RDX: variants seen among roughly 807,000 people sequenced by gnomAD.
The protein encoded by RDX is radixin, also known as deafness, autosomal recessive 24.
In RDX, 32 loss-of-function variants were observed where a neutral mutation model predicts 83.7. The ratio of observed to expected loss-of-function variants is 0.38; its 90% CI spans 0.29 to 0.51. The LOEUF (loss-of-function observed/expected upper bound fraction) is 0.51. Among genes scored for constraint, RDX ranks in the 20% least tolerant of loss-of-function variants. The pLI, the probability that RDX is intolerant of heterozygous loss-of-function variation, is 0.87. For synonymous variants in RDX, 229 were observed against 222.7 expected (o/e 1.03, Z -0.25); for missense variants, 600 against 689.9 (o/e 0.87, Z 1.46).
chr11:110,281,640 T>TA (rs1176607946), intron 1 of RDX, among the ~76,000 whole-genome samples: 3 of 151,996 alleles, frequency 2.0e-5, no homozygotes, highest in African/African-American at 7.2e-5. Flanking sequence ...CTGCTGGAGG[T>TA]ATAAACCCCT....
At chr11:110,265,691 C>T (rs1860010292) in intron 3 of RDX, among the ~76,000 whole-genome samples, 1 of 152,062 alleles carries the variant, frequency 6.6e-6, no homozygotes, top group South Asian at 2.1e-4. Flanking sequence ...CACCCTTCTA[C>T]AATTTTGCTG....
chr11:110,176,806 C>G (rs565718756), intron 15 of RDX, among the ~76,000 whole-genome samples: 1 of 152,112 alleles, frequency 6.6e-6, no homozygotes, highest in Non-Finnish European at 1.5e-5. Flanking sequence ...CCTAAGGAGC[C>G]GAAGGTGGTG....
chr11:110,196,964 T>A (rs1298557331), intron 15 of RDX, among the ~76,000 whole-genome samples: 1 of 152,176 alleles, frequency 6.6e-6, no homozygotes, highest in Non-Finnish European at 1.5e-5. Context: ...AGGGGTGTGA[T>A]CTTGGCTCAC....
intron 5 of RDX, among the ~76,000 whole-genome samples, chr11:110,258,656 A>C (rs966511686): frequency 7.2e-5 from 11 of 152,176 alleles, no homozygotes; most frequent in African/African-American, 2.7e-4. Context: ...GCTCATTGTT[A>C]ATAGATAAAG....
chr11:110,244,387 A>AAG (rs1327977642), intron 10 of RDX, among the ~76,000 whole-genome samples: 6 of 149,426 alleles, frequency 4.0e-5, no homozygotes, highest in East Asian at 1.9e-4. Flanking sequence ...AAAAAAAAAA[A>AAG]AGAGAGTGGA....
intron 3 of RDX, among the ~76,000 whole-genome samples, chr11:110,267,315 C>T (rs1467101462): frequency 6.6e-6 from 1 of 151,860 alleles, no homozygotes; most frequent in African/African-American, 2.4e-5. Flanking sequence ...GAGTTCAAGA[C>T]CAGCCTGGTC....
At chr11:110,190,271 C>A (rs1291550043) in intron 15 of RDX, among the ~76,000 whole-genome samples, 1 of 152,080 alleles carries the variant, frequency 6.6e-6, no homozygotes, top group Non-Finnish European at 1.5e-5. Context: ...GAAACCCCGT[C>A]TCTACTAAAA....
chr11:110,188,108 A>G (rs1370576692), intron 15 of RDX, among the ~76,000 whole-genome samples: 1 of 152,176 alleles, frequency 6.6e-6, no homozygotes, highest in Non-Finnish European at 1.5e-5. Context: ...AGCCTGGCCA[A>G]GATGGCGAAA....
chr11:110,192,137 T>G (rs1863114469), intron 15 of RDX, among the ~76,000 whole-genome samples: 1 of 152,120 alleles, frequency 6.6e-6, no homozygotes, highest in African/African-American at 2.4e-5. Context: ...CTTCAAACTA[T>G]ACTGTAAGGC....
intron 15 of RDX, among the ~76,000 whole-genome samples, chr11:110,187,959 C>T (rs943113775): frequency 3.3e-5 from 5 of 152,334 alleles, no homozygotes; most frequent in South Asian, 4.1e-4. Flanking sequence ...AATATAAAAC[C>T]TGCCAACAGA....
At chr11:110,259,301 A>T (rs936416162) in intron 5 of RDX, among the ~76,000 whole-genome samples, 1 of 152,242 alleles carries the variant, frequency 6.6e-6, no homozygotes, top group Non-Finnish European at 1.5e-5. Flanking sequence ...CAACATGATT[A>T]TAAGTTACCT....
chr11:110,259,987 CTT>C (rs926917709), intron 5 of RDX, among the ~76,000 whole-genome samples: 1 of 145,042 alleles, frequency 6.9e-6, no homozygotes, highest in African/African-American at 2.5e-5. Context: ...AACTGTTCTT[CTT>C]TTTTTTTTTT....
In RDX at chr11:110,231,525, C is replaced by T. The variant is rs1413873470; in HGVS notation, c.*344G>A. 3 of 310,806 alleles carry T rather than the reference C, an allele frequency of 9.7e-6. No homozygotes were observed. The highest frequency in any genetic ancestry group is 1.9e-5 in the Non-Finnish European group (3 of 161,350). 19.3% of individuals were successfully genotyped at this position (310,806 alleles called of 1,614,324 possible). A position where few individuals can be genotyped will look rare whatever the true frequency, so the allele number is the denominator to read the frequency against. On this transcript the variant is annotated 3_prime_UTR_variant, in exon 14 of 14. Transcript: ENST00000645495. Reference sequence around the variant, plus strand: ...AACCCATTAAAATGTTCACCATTATCCTTTAAAATGTACACAGAACTGAAA... The same window carrying T: ...AACCCATTAAAATGTTCACCATTATTCTTTAAAATGTACACAGAACTGAAA...
chr11:110,254,619 G>A (rs1017875959), intron 8 of RDX, among the ~76,000 whole-genome samples: 1 of 151,934 alleles, frequency 6.6e-6, no homozygotes, highest in African/African-American at 2.4e-5. Flanking sequence ...GGGATTACAG[G>A]CATGCACCAC....
intron 1 of RDX, among the ~76,000 whole-genome samples, chr11:110,289,063 C>G (rs1322168950): frequency 2.0e-5 from 3 of 151,800 alleles, no homozygotes; most frequent in African/African-American, 7.3e-5. Context: ...CATGGAGAAA[C>G]CCCCATCTCT....
At chr11:110,270,337 C>A (rs1860253361) in intron 3 of RDX, among the ~76,000 whole-genome samples, 1 of 151,928 alleles carries the variant, frequency 6.6e-6, no homozygotes, top group African/African-American at 2.4e-5. Context: ...GTAGGCAACT[C>A]TAACACAACT....
At chr11:110,188,950 C>T (rs1188142689) in intron 15 of RDX, among the ~76,000 whole-genome samples, 1 of 152,012 alleles carries the variant, frequency 6.6e-6, no homozygotes, top group East Asian at 1.9e-4. Context: ...ATAGAAACTA[C>T]AAAATAGCTA....
At chr11:110,255,542 G>A (rs1422288261) in intron 7 of RDX, among the ~76,000 whole-genome samples, 157 bp from the exon 8 acceptor site, 1 of 151,988 alleles carries the variant, frequency 6.6e-6, no homozygotes, top group East Asian at 1.9e-4. Flanking sequence ...TCTTTTAAGG[G>A]GAAAACTGAT....
At chr11:110,179,436 T>G (rs995331111) in intron 15 of RDX, among the ~76,000 whole-genome samples, 2 of 152,236 alleles carry the variant, frequency 1.3e-5, no homozygotes, top group African/African-American at 4.8e-5. Context: ...GTTCCACTTG[T>G]GCCCTCCTAA....
Sources: gnomAD v4.1 joint callset for allele counts (sites outside exome capture counted in the v4.1 genomes callset) on GRCh38, gnomAD v4.1.1 for gene constraint, MANE v1.5 for transcripts, NCBI Gene and HGNC (gene_info 2026-07-23, HGNC 2026-07-21) for gene names.